The following SPATC1L variants were observed in gnomAD, a reference collection of about 807,000 sequenced individuals.
SPATC1L encodes speriolin-like protein.
In SPATC1L, 20 loss-of-function variants were observed where a neutral mutation model predicts 21.2. That is an observed-to-expected ratio of 0.94 (90% CI 0.66 to 1.37). SPATC1L has a LOEUF of 1.37. Ranked by LOEUF, SPATC1L falls within the 40% of genes most tolerant of loss-of-function variation. The probability of loss-of-function intolerance (pLI) is 0.00; values close to 1 mark genes in which losing one functional copy is unlikely to be tolerated. For synonymous variants in SPATC1L, 290 were observed against 234.5 expected (o/e 1.24, Z -2.16); for missense variants, 499 against 478.7 (o/e 1.04, Z -0.40).
At chr21:46,169,235 G>A (rs1006104726) in intron 2 of SPATC1L, among the ~76,000 whole-genome samples, 1 of 152,212 alleles carries the variant, frequency 6.6e-6, no homozygotes, top group Non-Finnish European at 1.5e-5. Context: ...CCTCCCGGGA[G>A]GAGCCTTCTG....
At chr21:46,165,889 G>C (rs2079536868) in intron 3 of SPATC1L, among the ~76,000 whole-genome samples, 1 of 152,142 alleles carries the variant, frequency 6.6e-6, no homozygotes, top group Non-Finnish European at 1.5e-5. Context: ...GAATTTGTAG[G>C]GGGAAAATGT....
rs1377653214 is a variant in SPATC1L, at chr21:46,183,138, G to A, written c.-322C>T. Reference sequence around the variant, plus strand: ...GTAGCGACTGTACTCCAAGAGGGGCGTCCAAGCCACTCCCCATTGAGCGGC... The same window carrying A: ...GTAGCGACTGTACTCCAAGAGGGGCATCCAAGCCACTCCCCATTGAGCGGC... On this transcript the variant is annotated 5_prime_UTR_variant, in exon 2 of 5. The change creates a new upstream start codon in the 5' untranslated region. Coordinates refer to ENST00000291672, the MANE Select transcript of SPATC1L (RefSeq NM_001142854.2). 2 of 366,012 alleles carry A rather than the reference G, an allele frequency of 5.5e-6. No homozygotes were observed. The highest frequency in any genetic ancestry group is 4.7e-5 in the East Asian group (1 of 21,420). 22.7% of individuals were successfully genotyped at this position (366,012 alleles called of 1,614,324 possible). A position where few individuals can be genotyped will look rare whatever the true frequency, so the allele number is the denominator to read the frequency against.
chr21:46,163,564 G>T (rs2079518315), intron 3 of SPATC1L, among the ~76,000 whole-genome samples: 1 of 152,176 alleles, frequency 6.6e-6, no homozygotes, highest in African/African-American at 2.4e-5. Flanking sequence ...TCCTTGGCAT[G>T]TGGATACCTC....
intron 4 of SPATC1L, 47 bp downstream of exon 4, chr21:46,161,869 C>T: frequency 1.3e-6 from 2 of 1,587,290 alleles, no homozygotes; most frequent in Non-Finnish European, 1.7e-6. Context: ...CAGGGACGGA[C>T]CGAGCGCCCC....
chr21:46,181,641 G>A (rs1199443729), intron 2 of SPATC1L, among the ~76,000 whole-genome samples: 2 of 152,178 alleles, frequency 1.3e-5, no homozygotes. Context: ...ACAGGTGCTG[G>A]AGCGGCCCCT....
rs1168609498 is a variant in SPATC1L at position 46,161,349 on chromosome 21, C to T, written c.*30G>A. 2 of 1,486,584 alleles carry T rather than the reference C, an allele frequency of 1.3e-6. No homozygotes were observed. Among genetic ancestry groups the T allele is most frequent in the Non-Finnish European group, 1.8e-6 (2 of 1,123,748 alleles). 92.1% of individuals were successfully genotyped at this position (1,486,584 alleles called of 1,614,324 possible). ...CCCCGGGTTGGAACAAACGCGTTTA[C>T]TGCAGGCAAGGCGGCGGGCGCGGGG... On this transcript the variant is annotated 3_prime_UTR_variant, in exon 5 of 5. Coordinates refer to ENST00000291672, the MANE Select transcript of SPATC1L (RefSeq NM_001142854.2).
rs2079483718 is a variant in SPATC1L, at chr21:46,161,287, C to G, written c.*92G>C. The G allele has an allele frequency of 7.8e-7, 1 of 1,281,912 alleles. No individual in the cohort carries two copies. The highest frequency in any genetic ancestry group is 1.6e-5 in the African/African-American group (1 of 63,474). 79.4% of individuals were successfully genotyped at this position (1,281,912 alleles called of 1,614,324 possible). On this transcript the variant is annotated 3_prime_UTR_variant, in exon 5 of 5. Coordinates refer to ENST00000291672, the MANE Select transcript of SPATC1L (RefSeq NM_001142854.2). ...GGCCTCGCGCGCGGGGGACGCGGCC[C>G]TTTCCCCTCCGGGGGGACGCGCAGG... is the stretch of plus-strand genomic sequence containing the variant.
intron 3 of SPATC1L, among the ~76,000 whole-genome samples, chr21:46,163,000 C>T (rs573088230): frequency 1.5e-4 from 23 of 152,192 alleles, no homozygotes; most frequent in Non-Finnish European, 2.9e-4. Context: ...CATCCGAGTC[C>T]GTAACAGCAC....
chr21:46,166,056 T>C (rs55763810), intron 3 of SPATC1L, among the ~76,000 whole-genome samples: 41,507 of 152,086 alleles, frequency 0.27, 6,980 homozygotes, highest in African/African-American at 0.46. Context: ...GGAGTAAATC[T>C]TTATCAATAA....
chr21:46,162,951 C>G (rs1007681845), intron 3 of SPATC1L, among the ~76,000 whole-genome samples: 3 of 151,506 alleles, frequency 2.0e-5, no homozygotes, highest in African/African-American at 7.2e-5. Flanking sequence ...CCCACAAAAC[C>G]TGCTTCCGAA....
chr21:46,173,887 C>G (rs2079610517), intron 2 of SPATC1L, among the ~76,000 whole-genome samples: 1 of 152,132 alleles, frequency 6.6e-6, no homozygotes, highest in South Asian at 2.1e-4. Context: ...CTCAAGGAGC[C>G]AGAGAACAAA....
Position 46,161,725 on chromosome 21 carries a change from A to G in SPATC1L, c.697-20T>C. The G allele has an allele frequency of 1.5e-6, 2 of 1,349,384 alleles. No homozygotes were observed. Among genetic ancestry groups the G allele is most frequent in the Non-Finnish European group, 2.1e-6 (2 of 972,294 alleles). 83.6% of individuals were successfully genotyped at this position (1,349,384 alleles called of 1,614,324 possible). On this transcript the variant is annotated intron_variant, in intron 4 of 4. Transcript: ENST00000291672. The stretch of plus-strand genomic sequence containing the variant: ...GGAGGTCTGCGGGCGCAGCGCATGG[A>G]TGGGGGTGGGGGGCTCGGGGCCCTC...
At position 46,161,606 on chromosome 21, in the gene SPATC1L, AG is replaced by A; in HGVS notation, c.795del (p.Tyr266ThrfsTer20). 6.2e-7 allele frequency: 1 copy of A among 1,610,532 alleles called. No individual in the cohort carries two copies. Among genetic ancestry groups the A allele is most frequent in the Non-Finnish European group, 8.5e-7 (1 of 1,179,084 alleles). ...LALSARLEKLGYSRDVHPAFS... is the reference protein window; with the variant it reads ...LALSARLEKLXYSRDVHPAFS... ...AACGCCGGGTGCACGTCGCGGCTGT[AG>A]CCCAGCTTCTCCAGGCGCGCGCTCA... On this transcript the variant is annotated frameshift_variant, in exon 5 of 5. Coordinates refer to ENST00000291672, the MANE Select transcript of SPATC1L (RefSeq NM_001142854.2). LOFTEE classifies it high-confidence loss of function.
chr21:46,161,391 G>T lies in SPATC1L; in HGVS notation c.1011C>A (p.Leu337=). The T allele has an allele frequency of 6.6e-7, 1 of 1,520,616 alleles. No individual in the cohort carries two copies. The allele number at this position is 1,520,616 out of a possible 1,614,324, so 94.2% of individuals were successfully genotyped here. The change falls in exon 5 of 5, where the codon CTC becomes CTA. Residue 337 remains leucine, a synonymous_variant. Coordinates refer to ENST00000291672, the MANE Select transcript of SPATC1L (RefSeq NM_001142854.2). ...GGCGCGGGGCGGCTCACCAGGCGAA[G>T]AGGGGCTTGCCGTCCTCCTTGGAGA... ...CELSKEDGKP[L]FAW is the part of the protein sequence containing the mutation.
At chr21:46,165,054 C>T (rs917151016) in intron 3 of SPATC1L, among the ~76,000 whole-genome samples, 6 of 152,066 alleles carry the variant, frequency 3.9e-5, no homozygotes, top group African/African-American at 1.2e-4. Context: ...ATTAGAGATG[C>T]CACTACCACA....
intron 2 of SPATC1L, among the ~76,000 whole-genome samples, chr21:46,178,774 C>G (rs1452142345): frequency 1.3e-5 from 2 of 152,118 alleles, no homozygotes; most frequent in Non-Finnish European, 2.9e-5. Context: ...TTAATTCCAG[C>G]TACTGGGGAG....
At chr21:46,180,315 A>C (rs567636519) in intron 2 of SPATC1L, among the ~76,000 whole-genome samples, 17 of 152,186 alleles carry the variant, frequency 1.1e-4, no homozygotes, top group African/African-American at 3.6e-4. Flanking sequence ...CCAAAAAGAT[A>C]CACAGACAGA....
intron 2 of SPATC1L, among the ~76,000 whole-genome samples, chr21:46,174,344 C>CAAAAAAAAAAAA (rs200980627): frequency 2.9e-5 from 2 of 68,832 alleles, no homozygotes; most frequent in Admixed American, 1.6e-4. Context: ...AAAAACAAAA[C>CAAAAAAAAAAAA]AAAAAAAAAA....
At chr21:46,167,494 C>CA (rs2079549727) in intron 3 of SPATC1L, among the ~76,000 whole-genome samples, 1 of 152,172 alleles carries the variant, frequency 6.6e-6, no homozygotes, top group Non-Finnish European at 1.5e-5. Flanking sequence ...ATCAATGTAA[C>CA]AAAAAATCGG....
Sources: allele counts gnomAD v4.1 joint callset (sites outside exome capture counted in the v4.1 genomes callset), GRCh38; gene constraint gnomAD v4.1.1; transcripts MANE v1.5; gene names NCBI Gene and HGNC (gene_info 2026-07-23, HGNC 2026-07-21).